NUMB: variants seen among roughly 807,000 people sequenced by gnomAD.
NUMB encodes protein numb homolog.
NUMB carries 29 observed loss-of-function variants against 59.7 expected under a neutral mutation model. The observed-to-expected ratio is 0.49, with a 90% CI of 0.36 to 0.66. The LOEUF is 0.66. Among genes scored for constraint, NUMB ranks in the 30% least tolerant of loss-of-function variants. The probability of loss-of-function intolerance (pLI) is 0.00; values close to 1 mark genes in which losing one functional copy is unlikely to be tolerated. For synonymous variants in NUMB, 288 were observed against 288.2 expected, an observed-to-expected ratio of 1.00 and a Z score of 0.01; for missense variants, 723 against 822.0, an observed-to-expected ratio of 0.88 and a Z score of 1.47.
chr14:73,412,402 C>T (rs1210283840), intron 1 of NUMB, among the ~76,000 whole-genome samples: 1 of 151,814 alleles, frequency 6.6e-6, no homozygotes, highest in Non-Finnish European at 1.5e-5. Context: ...CTGAGGCAGG[C>T]AGATCACCTA....
At chr14:73,349,206 C>T (rs1265436104) in intron 4 of NUMB, among the ~76,000 whole-genome samples, 1 of 152,170 alleles carries the variant, frequency 6.6e-6, no homozygotes, top group Non-Finnish European at 1.5e-5. Flanking sequence ...TTTGGGAGGC[C>T]AAGATGGGCA....
chr14:73,383,701 G>A (rs532992970), intron 2 of NUMB, among the ~76,000 whole-genome samples: 7 of 152,168 alleles, frequency 4.6e-5, no homozygotes, highest in Admixed American at 1.3e-4. Flanking sequence ...GCTAAAAACC[G>A]AAGACATTGC....
intron 2 of NUMB, among the ~76,000 whole-genome samples, chr14:73,386,867 A>ATTTTTTTTTTTTTTTTTTTTTTTTTT (rs71112745): frequency 1.3e-5 from 1 of 79,838 alleles, no homozygotes; most frequent in African/African-American, 4.9e-5. Context: ...CAGGTGTCTT[A>ATTTTTTTTTTTTTTTTTTTTTTTTTT]TTTTTTTTTT....
intron 2 of NUMB, among the ~76,000 whole-genome samples, chr14:73,380,611 G>C (rs1462547208): frequency 1.3e-5 from 2 of 151,616 alleles, no homozygotes; most frequent in African/African-American, 4.9e-5. Flanking sequence ...TGTAACTATT[G>C]GTGTATGCCA....
At chr14:73,453,766 C>T (rs1884156788) in intron 1 of NUMB, among the ~76,000 whole-genome samples, 1 of 151,958 alleles carries the variant, frequency 6.6e-6, no homozygotes, top group Non-Finnish European at 1.5e-5. Flanking sequence ...TGCCACCATG[C>T]CCAGCTAATT....
chr14:73,369,065 G>A lies in NUMB; in HGVS notation c.-100-2084C>T, dbSNP rs1450861928. Among the ~76,000 whole-genome samples the A allele has an allele frequency of 2.6e-4, 39 of 148,714 alleles. 1 individual carries two copies. The Middle Eastern group carries it at 0.031, about 118-fold the overall frequency. On this transcript the variant is annotated intron_variant, in intron 2 of 12. Transcript: ENST00000555238. ...TTTTCTTTTTTTTTTTTTTTGAGACGGTGTCTCACACTGTCGCCCAGGCTG... is the reference window on the plus strand; with the variant it reads ...TTTTCTTTTTTTTTTTTTTTGAGACAGTGTCTCACACTGTCGCCCAGGCTG...
intron 1 of NUMB, among the ~76,000 whole-genome samples, chr14:73,442,552 T>C (rs1191600346): frequency 6.6e-6 from 1 of 152,140 alleles, no homozygotes; most frequent in Non-Finnish European, 1.5e-5. Context: ...AATATATCCA[T>C]ATTATGGAAT....
intron 2 of NUMB, among the ~76,000 whole-genome samples, chr14:73,386,779 T>C (rs980253381): frequency 4.6e-5 from 7 of 151,890 alleles, no homozygotes; most frequent in Non-Finnish European, 8.8e-5. Context: ...TGCTGAGAAT[T>C]TGATGTATTG....
At chr14:73,343,094 G>A (rs1178567441) in intron 4 of NUMB, among the ~76,000 whole-genome samples, 1 of 151,862 alleles carries the variant, frequency 6.6e-6, no homozygotes, top group Non-Finnish European at 1.5e-5. Flanking sequence ...CTCCCAAAGT[G>A]CTGGGATTAC....
Position 73,351,484 on chromosome 14 carries a change from C to G in NUMB, c.126+4142G>C, listed in dbSNP as rs145616488. 5.2e-3 allele frequency among the ~76,000 whole-genome samples: 790 copies of G among 152,016 alleles called. 15 individuals are homozygous for G. The South Asian group carries it at 0.059, about 11-fold the overall frequency. ...GCCTGGCAACAGAGCAAGACTCTGT[C>G]TCATAAATAAATAAATTAATTAATT... On this transcript the variant is annotated intron_variant, in intron 4 of 12. Transcript: ENST00000555238.
chr14:73,401,325 G>A (rs189718467), intron 2 of NUMB, among the ~76,000 whole-genome samples: 1 of 152,040 alleles, frequency 6.6e-6, no homozygotes, highest in Admixed American at 6.6e-5. Flanking sequence ...ACAGGTATAT[G>A]GAAACTCTCT....
chr14:73,364,653 G>T (rs546219824), intron 3 of NUMB, among the ~76,000 whole-genome samples: 6 of 151,554 alleles, frequency 4.0e-5, no homozygotes, highest in African/African-American at 9.7e-5. Context: ...TTTTAGACAG[G>T]GTCTTGCTCT....
chr14:73,419,472 GCACT>G (rs2140148455), intron 1 of NUMB, among the ~76,000 whole-genome samples: 1 of 152,266 alleles, frequency 6.6e-6, no homozygotes, highest in Non-Finnish European at 1.5e-5. Flanking sequence ...TTGCGCCACT[GCACT>G]CCAGCCTGGG....
intron 4 of NUMB, among the ~76,000 whole-genome samples, chr14:73,336,441 T>G (rs1009643218): frequency 1.3e-5 from 2 of 152,162 alleles, no homozygotes; most frequent in African/African-American, 2.4e-5. Flanking sequence ...GAATTAAATA[T>G]AACCAAGCCT....
chr14:73,421,515 A>C (rs1241318877), intron 1 of NUMB, among the ~76,000 whole-genome samples: 1 of 152,118 alleles, frequency 6.6e-6, no homozygotes, highest in Non-Finnish European at 1.5e-5. Flanking sequence ...TTAATATGCA[A>C]ATGCTCAGGT....
intron 4 of NUMB, among the ~76,000 whole-genome samples, chr14:73,337,345 T>C (rs1164659418): frequency 2.6e-5 from 4 of 151,920 alleles, no homozygotes; most frequent in African/African-American, 9.7e-5. Flanking sequence ...CTACTAAAAA[T>C]ACAAAATTAG....
At chr14:73,401,004 G>A (rs928066875) in intron 2 of NUMB, among the ~76,000 whole-genome samples, 6 of 152,154 alleles carry the variant, frequency 3.9e-5, no homozygotes, top group Admixed American at 1.3e-4. Context: ...CCAATTTATG[G>A]CTAATCAGCC....
At chr14:73,313,308 A>G (rs887607888) in intron 6 of NUMB, among the ~76,000 whole-genome samples, 2 of 151,628 alleles carry the variant, frequency 1.3e-5, no homozygotes, top group African/African-American at 4.8e-5. Flanking sequence ...TTTGAAAGCG[A>G]AATACTTATG....
At chr14:73,304,957 G>C (rs1333886751) in intron 6 of NUMB, among the ~76,000 whole-genome samples, 1 of 151,540 alleles carries the variant, frequency 6.6e-6, no homozygotes, top group African/African-American at 2.4e-5. Flanking sequence ...AATAGAGAAG[G>C]GGTTTCACCA....
Sources: gnomAD v4.1 joint callset for allele counts (sites outside exome capture counted in the v4.1 genomes callset) on GRCh38, gnomAD v4.1.1 for gene constraint, MANE v1.5 for transcripts, NCBI Gene and HGNC (gene_info 2026-07-23, HGNC 2026-07-21) for gene names.